GMDS: variants seen among roughly 807,000 people sequenced by gnomAD.
GMDS encodes GDP-mannose 4,6-dehydratase.
GMDS carries 20 observed loss-of-function variants against 49.9 expected under a neutral mutation model. The observed-to-expected ratio is 0.40, with a 90% confidence interval of 0.28 to 0.58. The LOEUF is 0.58. Among genes scored for constraint, GMDS ranks in the 20% least tolerant of loss-of-function variants. The pLI, the probability that GMDS is intolerant of heterozygous loss-of-function variation, is 0.42. For synonymous variants in GMDS, 177 were observed against 178.6 expected, an observed-to-expected ratio of 0.99 and a Z score of 0.07; for missense variants, 362 against 481.4, an observed-to-expected ratio of 0.75 and a Z score of 2.32.
At chr6:1,915,981 G>T (rs1761366659) in intron 7 of GMDS, among the ~76,000 whole-genome samples, 1 of 152,182 alleles carries the variant, frequency 6.6e-6, no homozygotes, top group African/African-American at 2.4e-5. Context: ...TTGGGAGGTG[G>T]CAACACCTTC....
At chr6:1,919,986 C>T (rs1761637053) in intron 7 of GMDS, among the ~76,000 whole-genome samples, 3 of 152,174 alleles carry the variant, frequency 2.0e-5, no homozygotes, top group Admixed American at 6.5e-5. Flanking sequence ...CCAACACTCA[C>T]AGAGAGGATT....
chr6:2,144,730 A>G (rs1261774507), intron 1 of GMDS, among the ~76,000 whole-genome samples: 1 of 152,236 alleles, frequency 6.6e-6, no homozygotes, highest in African/African-American at 2.4e-5. Context: ...TCAAAACATC[A>G]TAATATATAG....
chr6:1,925,561 G>T (rs1761954040), intron 7 of GMDS, among the ~76,000 whole-genome samples: 1 of 152,228 alleles, frequency 6.6e-6, no homozygotes, highest in African/African-American at 2.4e-5. Context: ...TACTTGCACA[G>T]CAGGGATAAC....
intron 8 of GMDS, among the ~76,000 whole-genome samples, chr6:1,729,709 A>G (rs1766723659): frequency 6.6e-6 from 1 of 152,252 alleles, no homozygotes; most frequent in African/African-American, 2.4e-5. Flanking sequence ...CAGAGAGGAG[A>G]GGATTCGGTT....
intron 4 of GMDS, among the ~76,000 whole-genome samples, chr6:2,009,785 C>T (rs556570673): frequency 5.9e-5 from 9 of 152,280 alleles, no homozygotes; most frequent in African/African-American, 2.2e-4. Context: ...ATAGGATCTT[C>T]ATCTCTATCA....
chr6:2,071,495 T>A (rs1232338209), intron 4 of GMDS, among the ~76,000 whole-genome samples: 3 of 151,898 alleles, frequency 2.0e-5, no homozygotes, highest in Non-Finnish European at 4.4e-5. Context: ...CATTTGTATA[T>A]CCCACATGGC....
chr6:1,930,264 G>A (rs775852956), intron 6 of GMDS, 34 bp from the exon 7 acceptor site: 1 of 1,598,308 alleles, frequency 6.3e-7, no homozygotes, highest in African/African-American at 1.3e-5. Flanking sequence ...TATCAGTCAA[G>A]TGCACTTGAC....
chr6:1,937,252 G>A (rs535238388), intron 6 of GMDS, among the ~76,000 whole-genome samples: 16 of 152,130 alleles, frequency 1.1e-4, no homozygotes, highest in African/African-American at 3.4e-4. Context: ...CTGTGGTTCC[G>A]TGACGCATGA....
chr6:2,236,840 A>G (rs1399647934), intron 1 of GMDS, among the ~76,000 whole-genome samples: 1 of 152,210 alleles, frequency 6.6e-6, no homozygotes, highest in East Asian at 1.9e-4. Context: ...TCACATTACA[A>G]TCAAACCAAA....
Position 1,751,042 on chromosome 6 carries a change from G to A in GMDS, c.772-8456C>T, listed in dbSNP as rs535291466. 2.0e-5 allele frequency among the ~76,000 whole-genome samples: 3 copies of A among 152,320 alleles called. No individual in the cohort carries two copies. The East Asian group carries it at 5.8e-4, about 29-fold the overall frequency. On this transcript the variant is annotated intron_variant, in intron 7 of 10. Transcript: ENST00000380815. ...TCTAGATTCCTCCTCTCTGGGCAGA[G>A]CATTTCTGAAAGAAAGGCAGCAACC...
At position 1,778,182 on chromosome 6, in the gene GMDS, G is replaced by A. The variant is rs777868209; in HGVS notation, c.772-35596C>T. 9.2e-5 allele frequency among the ~76,000 whole-genome samples: 14 copies of A among 152,130 alleles called. No homozygotes were observed. Among genetic ancestry groups the A allele is most frequent in the Non-Finnish European group, 1.6e-4 (11 of 68,036 alleles). ...TAGACTGGCCTTCTCAACACCTCAC[G>A]AAAAGCGCCCTTGGGTCTCATTTTG... is the stretch of plus-strand genomic sequence containing the variant. On this transcript the variant is annotated intron_variant, in intron 7 of 10. Transcript: ENST00000380815. The surrounding 1 kb of genome is among the most constrained non-coding windows in gnomAD (Gnocchi z 4.6).
intron 9 of GMDS, among the ~76,000 whole-genome samples, chr6:1,699,024 G>A (rs547563351): frequency 1.3e-5 from 2 of 152,212 alleles, no homozygotes; most frequent in Non-Finnish European, 2.9e-5. Flanking sequence ...CCTTTAAAAA[G>A]TGTCATGAAC....
chr6:1,676,266 C>T (rs1258316665), intron 9 of GMDS, among the ~76,000 whole-genome samples: 1 of 152,180 alleles, frequency 6.6e-6, no homozygotes, highest in African/African-American at 2.4e-5. Flanking sequence ...CAAACCACTG[C>T]TCAGCAAAAT....
intron 9 of GMDS, among the ~76,000 whole-genome samples, chr6:1,714,444 A>T (rs1388058622): frequency 6.6e-6 from 1 of 152,220 alleles, no homozygotes; most frequent in African/African-American, 2.4e-5. Flanking sequence ...AGGTGAAGAG[A>T]AAAAGGAATA....
At chr6:1,964,979 T>A (rs566565265) in intron 4 of GMDS, among the ~76,000 whole-genome samples, 1 of 152,130 alleles carries the variant, frequency 6.6e-6, no homozygotes, top group African/African-American at 2.4e-5. Context: ...GCTTCATCCA[T>A]GTCCCTACAA....
rs569517539 is a variant in GMDS at position 1,768,872 on chromosome 6, A to G, written c.772-26286T>C. Among the ~76,000 whole-genome samples the G allele has an allele frequency of 5.4e-4, 83 of 152,314 alleles. No individual in the cohort carries two copies. In the Middle Eastern group the frequency reaches 0.017, roughly 31 times the overall value. ...TCACAACTCCTATTTAACTACTGAC[A>G]TTTTACAGACTAAAAGAGTTATGCT... On this transcript the variant is annotated intron_variant, in intron 7 of 10. Transcript: ENST00000380815.
intron 8 of GMDS, among the ~76,000 whole-genome samples, chr6:1,732,472 G>A (rs1414652887): frequency 1.3e-5 from 2 of 152,174 alleles, no homozygotes; most frequent in Admixed American, 6.5e-5. Context: ...GAGAACGGAG[G>A]GATGGGTCAA....
intron 7 of GMDS, among the ~76,000 whole-genome samples, chr6:1,852,396 G>A (rs939929554): frequency 6.6e-6 from 1 of 152,032 alleles, no homozygotes; most frequent in African/African-American, 2.4e-5. Context: ...TTTGCTTAAC[G>A]AGTAAACTCA....
intron 4 of GMDS, among the ~76,000 whole-genome samples, chr6:2,009,396 T>C (rs568763556): frequency 7.9e-5 from 12 of 152,334 alleles, no homozygotes; most frequent in African/African-American, 2.9e-4. Context: ...TTTAGGTACA[T>C]GGCCAGATTC....
Sources: gnomAD v4.1 joint callset for allele counts (sites outside exome capture counted in the v4.1 genomes callset) on GRCh38, gnomAD v4.1.1 for gene constraint, Gnocchi (gnomAD v3.1) non-coding constraint, MANE v1.5 for transcripts, NCBI Gene and HGNC (gene_info 2026-07-23, HGNC 2026-07-21) for gene names.